Variants in ABCB4 observed in about 807,000 individuals in gnomAD.
The protein encoded by ABCB4 is ATP binding cassette subfamily B member 4.
A neutral mutation model predicts 145.7 loss-of-function variants in ABCB4; 76 were observed. That is an observed-to-expected ratio of 0.52 (90% CI 0.43 to 0.63). The LOEUF is 0.63. Among genes scored for constraint, ABCB4 ranks in the 30% least tolerant of loss-of-function variants. The probability of loss-of-function intolerance (pLI) is 0.00; values close to 1 mark genes in which losing one functional copy is unlikely to be tolerated. For synonymous variants in ABCB4, 517 were observed against 566.8 expected (o/e 0.91, Z 1.25); for missense variants, 1,234 against 1,553.1 (o/e 0.79, Z 3.45).
At chr7:87,441,604 CAG>C (rs1426352268) in intron 12 of ABCB4, among the ~76,000 whole-genome samples, 2 of 150,100 alleles carry the variant, frequency 1.3e-5, no homozygotes, top group Non-Finnish European at 3.0e-5. Context: ...AATTTAGAGA[CAG>C]AGTTTCATTC....
At chr7:87,466,293 G>T (rs112981905) in intron 3 of ABCB4, among the ~76,000 whole-genome samples, 33,364 of 151,974 alleles carry the variant, frequency 0.22, 3,914 homozygotes, top group African/African-American at 0.3. Flanking sequence ...GGAAGAAAGG[G>T]TATCAGTGAT....
chr7:87,456,741 G>A (rs989079252), intron 4 of ABCB4, among the ~76,000 whole-genome samples: 4 of 152,104 alleles, frequency 2.6e-5, no homozygotes, highest in Non-Finnish European at 4.4e-5. Context: ...ATCTATGAGC[G>A]TTCCAGATTG....
At chr7:87,444,771 T>C in intron 10 of ABCB4, 91 bp downstream of exon 10, 2 of 878,140 alleles carry the variant, frequency 2.3e-6, no homozygotes, top group South Asian at 2.9e-5. Context: ...ACTTATTCAA[T>C]GTAGTTGATT....
At chr7:87,428,692 T>C (rs1386595073) in intron 15 of ABCB4, among the ~76,000 whole-genome samples, 5 of 152,084 alleles carry the variant, frequency 3.3e-5, no homozygotes, top group Non-Finnish European at 7.4e-5. Flanking sequence ...CAGAAAAATA[T>C]CCTAATACAG....
Position 87,417,346 on chromosome 7 carries a change from T to G in ABCB4, c.2648A>C (p.Lys883Thr). 6 of 1,614,150 alleles carry G rather than the reference T, an allele frequency of 3.7e-6. No individual in the cohort carries two copies. The highest frequency in any genetic ancestry group is 5.1e-6 in the Non-Finnish European group (6 of 1,180,000). Residue 883 changes from lysine (K) to threonine (T), a missense_variant, in exon 21 of 28, where the codon AAA (lysine) becomes ACA (threonine). By Grantham distance (78) the Lys-to-Thr change is moderately conservative. Around this residue, in one of 7 missense-constraint regions of ABCB4, gnomAD observed 301 missense variants for 389.0 expected, o/e 0.77. Coordinates refer to ENST00000649586, the MANE Select transcript of ABCB4 (RefSeq NM_000443.4). ...VEMKLLAGNA[K>T]RDKKELEAAG... The stretch of plus-strand genomic sequence containing the variant: ...AGCTTCCAGTTCTTTTTTATCTCTT[T>G]TGGCATTTCCAGCCAACAATTTCAT...
the ABCB4 span, chr7:87,369,285 A>G: frequency 1.4e-6 from 1 of 740,394 alleles, no homozygotes; most frequent in Non-Finnish European, 2.3e-6. Context: ...AAATACTGGA[A>G]GAATGCCTAC....
chr7:87,434,326 T>C (rs1253555960), intron 14 of ABCB4, among the ~76,000 whole-genome samples: 2 of 152,088 alleles, frequency 1.3e-5, no homozygotes, highest in East Asian at 3.9e-4. Context: ...TTGCCTTTCT[T>C]TAAAAGAGTC....
chr7:87,428,043 C>A (rs1809958510), intron 15 of ABCB4, among the ~76,000 whole-genome samples: 1 of 152,118 alleles, frequency 6.6e-6, no homozygotes, highest in Non-Finnish European at 1.5e-5. Flanking sequence ...AAGCCTGGAT[C>A]CCCAAAAATC....
the ABCB4 span, among the ~76,000 whole-genome samples, chr7:87,380,188 T>A: frequency 2.8e-5 from 1 of 35,384 alleles, no homozygotes; most frequent in East Asian, 8.9e-4. Context: ...ATGTTGCTGG[T>A]CCATAATTTT....
chr7:87,412,513 C>T (rs1008486470), intron 22 of ABCB4, among the ~76,000 whole-genome samples: 3 of 152,162 alleles, frequency 2.0e-5, no homozygotes, highest in African/African-American at 7.2e-5. Context: ...CATAGATATA[C>T]ACCAGAAGTC....
At chr7:87,392,956 G>A in the ABCB4 span, 1 of 1,613,686 alleles carries the variant, frequency 6.2e-7, no homozygotes, top group Non-Finnish European at 8.5e-7. Context: ...AGCGGAGGAG[G>A]TGGAAATTTT....
chr7:87,389,629 G>A, the ABCB4 span, among the ~76,000 whole-genome samples: 4 of 151,752 alleles, frequency 2.6e-5, no homozygotes, highest in Non-Finnish European at 5.9e-5. Flanking sequence ...TCATGGGGTG[G>A]GGGGCTAGGG....
chr7:87,442,970 T>TC (rs1422706169), intron 12 of ABCB4, among the ~76,000 whole-genome samples: 1 of 152,190 alleles, frequency 6.6e-6, no homozygotes, highest in African/African-American at 2.4e-5. Context: ...CTAATTGTCA[T>TC]CAATTGTTCC....
intron 5 of ABCB4, among the ~76,000 whole-genome samples, chr7:87,454,150 A>G (rs964272210): frequency 7.2e-5 from 11 of 152,236 alleles, no homozygotes; most frequent in Admixed American, 6.5e-4. Context: ...CAACACTGCT[A>G]TGCAGACATA....
chr7:87,370,112 A>G, the ABCB4 span, among the ~76,000 whole-genome samples: 1 of 152,128 alleles, frequency 6.6e-6, no homozygotes, highest in African/African-American at 2.4e-5. Context: ...TAGATATTTC[A>G]GTATACATCT....
At chr7:87,401,661 C>A, downstream of ABCB4, 2 of 233,068 alleles carry the variant, frequency 8.6e-6, no homozygotes, top group Non-Finnish European at 8.6e-6. Flanking sequence ...ACTTTGATTC[C>A]ACAATAGAAT....
At chr7:87,460,950 C>T (rs1584779757) in intron 4 of ABCB4, among the ~76,000 whole-genome samples, 1 of 151,690 alleles carries the variant, frequency 6.6e-6, no homozygotes, top group East Asian at 1.9e-4. Flanking sequence ...ATTCCTACCT[C>T]TCCCATTTCT....
At chr7:87,410,210 T>A (rs999365401) in intron 23 of ABCB4, among the ~76,000 whole-genome samples, 1 of 152,336 alleles carries the variant, frequency 6.6e-6, no homozygotes, top group Middle Eastern at 3.4e-3. Flanking sequence ...TCCTGAGATC[T>A]ACAACTTCAC....
chr7:87,451,792 T>A lies in ABCB4; in HGVS notation c.539A>T (p.Asp180Val). The stretch of plus-strand genomic sequence containing the variant: ...AATTCCTTCACTGATTTTGGAGATG[T>A]CACTAAAAAAGATCACACCTAAGTG... ...TTELNTRLTD[D>V]ISKISEGIGD... The change falls in exon 7 of 28, where the codon GAC becomes GTC. Residue 180 changes from aspartate (D) to valine (V), a missense_variant and splice_region_variant. Physicochemically the swap from Asp to Val is radical, Grantham distance 152 (BLOSUM62 -3). Around this residue, in one of 7 missense-constraint regions of ABCB4, gnomAD observed 467 missense variants for 632.8 expected, o/e 0.74. Coordinates refer to ENST00000649586, the MANE Select transcript of ABCB4 (RefSeq NM_000443.4). 1 of 1,614,096 alleles carries A rather than the reference T, an allele frequency of 6.2e-7. No individual in the cohort carries two copies. The highest frequency in any genetic ancestry group is 1.1e-5 in the South Asian group (1 of 91,080).
Sources: allele counts gnomAD v4.1 joint callset (sites outside exome capture counted in the v4.1 genomes callset), GRCh38; gene constraint gnomAD v4.1.1; regional missense constraint gnomAD v4.1.1; transcripts MANE v1.5; gene names NCBI Gene and HGNC (gene_info 2026-07-23, HGNC 2026-07-21).